LRP1B: variants seen among roughly 807,000 people sequenced by gnomAD.
LRP1B encodes LDL receptor related protein 1B, also known as low-density lipoprotein receptor-related protein 1B.
Under a neutral mutation model 556.6 loss-of-function variants are expected in LRP1B, and 217 were observed. The observed-to-expected ratio is 0.39, with a 90% confidence interval of 0.35 to 0.44. LRP1B has a LOEUF of 0.44. LRP1B is among the 20% of genes least tolerant of loss of function. The probability of loss-of-function intolerance (pLI) is 1.00; values close to 1 mark genes in which losing one functional copy is unlikely to be tolerated. For missense variants in LRP1B, 5,053 were observed against 5,620.8 expected, an observed-to-expected ratio of 0.90 and a Z score of 3.23; for synonymous variants, 2,047 against 1,865.8, an observed-to-expected ratio of 1.10 and a Z score of -2.50.
intron 1 of LRP1B, among the ~76,000 whole-genome samples, chr2:141,954,369 A>G (rs995417401): frequency 2.1e-4 from 32 of 152,082 alleles, no homozygotes; most frequent in Non-Finnish European, 2.6e-4. Context: ...CAGATGCACC[A>G]TGTATCTTAA....
At chr2:142,083,839 C>A (rs1705808391) in intron 1 of LRP1B, among the ~76,000 whole-genome samples, 1 of 152,122 alleles carries the variant, frequency 6.6e-6, no homozygotes. Flanking sequence ...ATCTGTTCTG[C>A]AAACACAAAC....
intron 1 of LRP1B, among the ~76,000 whole-genome samples, chr2:141,974,096 A>G (rs1701818330): frequency 6.6e-6 from 1 of 152,002 alleles, no homozygotes; most frequent in Non-Finnish European, 1.5e-5. Flanking sequence ...AGTGTATGAT[A>G]CTGAAAAAGA....
At chr2:141,459,177 T>C (rs184728685) in intron 3 of LRP1B, among the ~76,000 whole-genome samples, 6 of 152,302 alleles carry the variant, frequency 3.9e-5, no homozygotes, top group Admixed American at 3.9e-4. Flanking sequence ...GGTGGTAGTA[T>C]ATGTTGAATG....
At chr2:140,606,751 T>G (rs1041001277) in intron 41 of LRP1B, among the ~76,000 whole-genome samples, 17 of 151,952 alleles carry the variant, frequency 1.1e-4, no homozygotes, top group African/African-American at 4.1e-4. Context: ...AAAAGAATGA[T>G]ATTTGATTCC....
intron 41 of LRP1B, among the ~76,000 whole-genome samples, chr2:140,644,745 G>T (rs568554409): frequency 6.6e-6 from 1 of 152,030 alleles, no homozygotes; most frequent in East Asian, 1.9e-4. Flanking sequence ...GGACTACATG[G>T]TGCAAACTTC....
chr2:141,809,884 A>G (rs1696281487), intron 2 of LRP1B, among the ~76,000 whole-genome samples: 1 of 151,932 alleles, frequency 6.6e-6, no homozygotes, highest in South Asian at 2.1e-4. Context: ...TTATTGGGGA[A>G]GGTCTTTTCC....
At chr2:140,791,416 G>A (rs1285953315) in intron 32 of LRP1B, among the ~76,000 whole-genome samples, 2 of 152,044 alleles carry the variant, frequency 1.3e-5, no homozygotes, top group African/African-American at 4.8e-5. Flanking sequence ...GTGACAGAGT[G>A]AGACCCTGTC....
intron 3 of LRP1B, among the ~76,000 whole-genome samples, chr2:141,396,415 G>A (rs1025584366): frequency 1.3e-5 from 2 of 152,114 alleles, no homozygotes; most frequent in Admixed American, 6.5e-5. Flanking sequence ...CATTGTTAAT[G>A]GGACTACCAA....
In LRP1B at chr2:141,429,320, G is replaced by T. The variant is rs568755103; in HGVS notation, c.343+51076C>A. On this transcript the variant is annotated intron_variant, in intron 3 of 90. Transcript: ENST00000389484. ...AATATACACATAGTATTTTCTAATG[G>T]CACTCCCAAGTAATAAAGTCAATAA... 4.6e-5 allele frequency among the ~76,000 whole-genome samples: 7 copies of T among 152,002 alleles called. No homozygotes were observed. The East Asian group carries it at 1.4e-3, about 29-fold the overall frequency.
intron 1 of LRP1B, among the ~76,000 whole-genome samples, chr2:142,069,790 C>T (rs1206069457): frequency 4.6e-5 from 7 of 151,644 alleles, no homozygotes; most frequent in African/African-American, 7.3e-5. Flanking sequence ...TGATAAAATA[C>T]TTGCTTATAG....
chr2:141,488,948 T>C (rs1289722589), intron 2 of LRP1B, among the ~76,000 whole-genome samples: 7 of 138,074 alleles, frequency 5.1e-5, no homozygotes, highest in Non-Finnish European at 9.4e-5. Context: ...TTTAAGTGTG[T>C]TCTTTTACAT....
chr2:140,845,837 G>A (rs948036120), intron 29 of LRP1B, among the ~76,000 whole-genome samples: 5 of 152,124 alleles, frequency 3.3e-5, no homozygotes, highest in African/African-American at 1.2e-4. Flanking sequence ...AACAGAGTTA[G>A]CACAGAGAAA....
At chr2:141,432,017 G>A (rs1680580760) in intron 3 of LRP1B, among the ~76,000 whole-genome samples, 1 of 152,090 alleles carries the variant, frequency 6.6e-6, no homozygotes, top group Non-Finnish European at 1.5e-5. Flanking sequence ...AGTGATGAGA[G>A]CAGATATCCT....
At chr2:141,579,710 CAT>C (rs768468196) in intron 2 of LRP1B, among the ~76,000 whole-genome samples, 6 of 125,790 alleles carry the variant, frequency 4.8e-5, no homozygotes, top group Non-Finnish European at 8.2e-5. Context: ...ATAAGGAAAA[CAT>C]ATCAGGTTTC....
chr2:140,298,916 A>G (rs1683707490), intron 83 of LRP1B, among the ~76,000 whole-genome samples: 1 of 152,154 alleles, frequency 6.6e-6, no homozygotes, highest in African/African-American at 2.4e-5. Flanking sequence ...TAAATTTCAA[A>G]GTTTGCAAAA....
At chr2:140,788,152 T>C (rs1055504725) in intron 32 of LRP1B, among the ~76,000 whole-genome samples, 4 of 152,176 alleles carry the variant, frequency 2.6e-5, no homozygotes, top group African/African-American at 9.7e-5. Context: ...ATGTAAATTA[T>C]TTAGTCAAAT....
chr2:141,664,593 G>T (rs897848502), intron 2 of LRP1B, among the ~76,000 whole-genome samples: 58 of 151,916 alleles, frequency 3.8e-4, no homozygotes, highest in African/African-American at 1.3e-3. Context: ...AACCATAAAT[G>T]AACTATTCAC....
chr2:141,880,569 T>A (rs1191410679), intron 1 of LRP1B, among the ~76,000 whole-genome samples: 1 of 151,956 alleles, frequency 6.6e-6, no homozygotes, highest in Non-Finnish European at 1.5e-5. Flanking sequence ...AATAGTGAAA[T>A]GATTTTTTTG....
chr2:141,516,993 G>A (rs1684334511), intron 2 of LRP1B, among the ~76,000 whole-genome samples: 1 of 96,384 alleles, frequency 1.0e-5, no homozygotes, highest in Admixed American at 1.4e-4. Flanking sequence ...CACCATGTCT[G>A]GCCCGTCTCT....
Sources: allele counts gnomAD v4.1 joint callset (sites outside exome capture counted in the v4.1 genomes callset), GRCh38; gene constraint gnomAD v4.1.1; transcripts MANE v1.5; gene names NCBI Gene and HGNC (gene_info 2026-07-23, HGNC 2026-07-21).